LMCD1: variants seen among roughly 807,000 people sequenced by gnomAD.
LMCD1 encodes LIM and cysteine rich domains 1.
In LMCD1, 32 loss-of-function variants were observed where a neutral mutation model predicts 42.7. The ratio of observed to expected loss-of-function variants is 0.75; its 90% CI spans 0.57 to 1.01. The LOEUF (loss-of-function observed/expected upper bound fraction) is 1.01. Among genes scored for constraint, LMCD1 ranks in the 50% least tolerant of loss-of-function variants. The probability of loss-of-function intolerance (pLI) is 0.00; values close to 1 mark genes in which losing one functional copy is unlikely to be tolerated. For missense variants in LMCD1, 458 were observed against 483.1 expected (o/e 0.95, Z 0.49); for synonymous variants, 178 against 184.9 (o/e 0.96, Z 0.30).
intron 1 of LMCD1, among the ~76,000 whole-genome samples, chr3:8,529,875 A>G (rs954415123): frequency 2.6e-5 from 4 of 152,210 alleles, no homozygotes; most frequent in East Asian, 1.9e-4. Context: ...TCAGTGCATA[A>G]TAAGTGTGTG....
At chr3:8,551,306 G>A in intron 4 of LMCD1, 1 of 985,424 alleles carries the variant, frequency 1.0e-6, no homozygotes, top group Non-Finnish European at 1.2e-6. Flanking sequence ...TAAAAAATGG[G>A]ATCTATTTGG....
At chr3:8,533,247 G>A (rs1694447325) in intron 2 of LMCD1, among the ~76,000 whole-genome samples, 1 of 152,140 alleles carries the variant, frequency 6.6e-6, no homozygotes, top group Non-Finnish European at 1.5e-5. Flanking sequence ...GACAGAAAGA[G>A]AGGTCATTCT....
At chr3:8,503,637 C>T (rs903039631) in intron 1 of LMCD1, among the ~76,000 whole-genome samples, 1 of 152,202 alleles carries the variant, frequency 6.6e-6, no homozygotes, top group African/African-American at 2.4e-5. Context: ...ACTCAAAAAC[C>T]TGTGGGTGAC....
intron 4 of LMCD1, among the ~76,000 whole-genome samples, chr3:8,563,381 C>G (rs1493592): frequency 0.35 from 53,073 of 152,066 alleles, 10,473 homozygotes; most frequent in African/African-American, 0.53. Flanking sequence ...TGAACAGCAA[C>G]GGCAAAGGCC....
chr3:8,502,032 C>G lies in LMCD1; in HGVS notation c.42+52C>G, dbSNP rs569579345. 2,646 of 1,524,234 alleles carry G rather than the reference C, an allele frequency of 1.7e-3. 39 individuals carry two copies. In the African/African-American group the frequency reaches 0.031, roughly 18 times the overall value. 94.4% of individuals were successfully genotyped at this position (1,524,234 alleles called of 1,614,324 possible). ...CCAGATTCTTACTTTTTCTTGTTCCCCTTCCCATCTGTTCGCGGAAACTTC... is the reference window on the plus strand; with the variant it reads ...CCAGATTCTTACTTTTTCTTGTTCCGCTTCCCATCTGTTCGCGGAAACTTC... On this transcript the variant is annotated intron_variant, in intron 1 of 5. Coordinates refer to ENST00000157600, the MANE Select transcript of LMCD1 (RefSeq NM_014583.4).
rs545073325 is a variant in LMCD1 at position 8,545,290 on chromosome 3, C to T, written c.388-3278C>T. Among the ~76,000 whole-genome samples, 21 of 152,080 alleles carry T rather than the reference C, an allele frequency of 1.4e-4. No individual in the cohort carries two copies. In the East Asian group the frequency reaches 3.9e-3, roughly 28 times the overall value. On this transcript the variant is annotated intron_variant, in intron 3 of 5. Transcript: ENST00000157600. ...TAAAAATATTCAGTTTTGAGAGAAA[C>T]AAAATTCATGTTGCAAAGCCAGCAA... is the stretch of plus-strand genomic sequence containing the variant.
At chr3:8,546,902 C>T (rs1402938293) in intron 3 of LMCD1, among the ~76,000 whole-genome samples, 1 of 152,128 alleles carries the variant, frequency 6.6e-6, no homozygotes, top group African/African-American at 2.4e-5. Flanking sequence ...CAACTGGCTA[C>T]CGTCTAGCAA....
intron 3 of LMCD1, among the ~76,000 whole-genome samples, chr3:8,544,287 G>A (rs1694692486): frequency 6.6e-6 from 1 of 152,122 alleles, no homozygotes; most frequent in Non-Finnish European, 1.5e-5. Flanking sequence ...CTGACATAGA[G>A]AGCAGCAGGA....
rs1559358842 is a variant in LMCD1 at position 8,565,519 on chromosome 3, A to G, written c.811A>G (p.Thr271Ala). 6.2e-7 allele frequency: 1 copy of G among 1,613,896 alleles called. No homozygotes were observed. The highest frequency in any genetic ancestry group is 1.3e-5 in the African/African-American group (1 of 74,870). ...RAGYNKQWHPTCFVCAKCSEP... is the reference protein window; with the variant it reads ...RAGYNKQWHPACFVCAKCSEP... The stretch of plus-strand genomic sequence containing the variant: ...AGGCTACAACAAGCAGTGGCACCCC[A>G]CCTGCTTTGTGTGTGCCAAGTGCTC... The change falls in exon 5 of 6, where the codon ACC (threonine) becomes GCC (alanine). Residue 271 changes from threonine to alanine, a missense_variant. Physicochemically the swap from Thr to Ala is moderately conservative, Grantham distance 58. Coordinates refer to ENST00000157600, the MANE Select transcript of LMCD1 (RefSeq NM_014583.4).
chr3:8,542,003 T>C (rs355075), intron 3 of LMCD1, among the ~76,000 whole-genome samples: 81 of 48,368 alleles, frequency 1.7e-3, no homozygotes, highest in Non-Finnish European at 3.1e-3. Flanking sequence ...AGGCTGGAGC[T>C]TTTTTTTTTT....
intron 1 of LMCD1, among the ~76,000 whole-genome samples, chr3:8,520,141 A>G (rs571537874): frequency 3.9e-5 from 6 of 152,250 alleles, no homozygotes; most frequent in African/African-American, 1.2e-4. Context: ...TGTCTCCCCT[A>G]TTTCCAAAAT....
intron 1 of LMCD1, among the ~76,000 whole-genome samples, chr3:8,504,378 A>G (rs552368697): frequency 6.6e-6 from 1 of 152,354 alleles, no homozygotes; most frequent in South Asian, 2.1e-4. Context: ...TCGCACTTAG[A>G]CATTTTGAAA....
chr3:8,551,359 A>G (rs569746074), intron 4 of LMCD1: 2 of 984,972 alleles, frequency 2.0e-6, no homozygotes, highest in Non-Finnish European at 2.4e-6. Context: ...CCAGTTCCAC[A>G]TTTATTAAGC....
chr3:8,542,576 T>G (rs1285735119), intron 3 of LMCD1, among the ~76,000 whole-genome samples: 1 of 152,134 alleles, frequency 6.6e-6, no homozygotes, highest in Non-Finnish European at 1.5e-5. Context: ...ATCCAGGGAA[T>G]GGGGGATCCT....
At position 8,530,337 on chromosome 3, in the gene LMCD1, A is replaced by G. The variant is rs1694388492; in HGVS notation, c.43-2400A>G. Reference sequence around the variant, plus strand: ...GGAAATGACTCATCTCCAGTTACACAGCTAATAAATGCCAGAGTTGGCACC... The same window carrying G: ...GGAAATGACTCATCTCCAGTTACACGGCTAATAAATGCCAGAGTTGGCACC... On this transcript the variant is annotated intron_variant, in intron 1 of 5. Coordinates refer to ENST00000157600, the MANE Select transcript of LMCD1 (RefSeq NM_014583.4). Among the ~76,000 whole-genome samples the G allele has an allele frequency of 2.0e-5, 3 of 152,220 alleles. No homozygotes were observed. In the South Asian group the frequency reaches 6.2e-4, roughly 32 times the overall value.
At chr3:8,565,781 C>A in intron 5 of LMCD1, 134 bp downstream of exon 5, 1 of 813,680 alleles carries the variant, frequency 1.2e-6, no homozygotes, top group Admixed American at 2.4e-5. Context: ...GGCCTCACTG[C>A]ATGCTCTCAA....
rs1693984358 is a variant in LMCD1 at position 8,510,945 on chromosome 3, C to T, written c.42+8965C>T. Among the ~76,000 whole-genome samples, 3 of 152,332 alleles carry T rather than the reference C, an allele frequency of 2.0e-5. No individual in the cohort carries two copies. In the South Asian group the frequency reaches 6.2e-4, roughly 32 times the overall value. On this transcript the variant is annotated intron_variant, in intron 1 of 5. Transcript: ENST00000157600. The stretch of plus-strand genomic sequence containing the variant: ...AGCAGCATTACACGCCACACACACA[C>T]AAATATACACATCTATGCATAGGTA...
intron 1 of LMCD1, among the ~76,000 whole-genome samples, chr3:8,529,871 CATA>C (rs1196923320): frequency 6.6e-6 from 1 of 152,180 alleles, no homozygotes; most frequent in Non-Finnish European, 1.5e-5. Flanking sequence ...ACGCTCAGTG[CATA>C]ATAAGTGTGT....
rs548003934 is a variant in LMCD1, at chr3:8,531,483, G to A, written c.43-1254G>A. Among the ~76,000 whole-genome samples the A allele has an allele frequency of 1.4e-4, 21 of 152,218 alleles. No homozygotes were observed. The South Asian group carries it at 3.5e-3, about 26-fold the overall frequency. On this transcript the variant is annotated intron_variant, in intron 1 of 5. Transcript: ENST00000157600. The stretch of plus-strand genomic sequence containing the variant: ...TCTAGTGCCTAATGTGGTCCTGCAC[G>A]TTACTATATTATCTCGGTATCCACT...
Sources: allele counts gnomAD v4.1 joint callset (sites outside exome capture counted in the v4.1 genomes callset), GRCh38; gene constraint gnomAD v4.1.1; transcripts MANE v1.5; gene names NCBI Gene and HGNC (gene_info 2026-07-23, HGNC 2026-07-21).